The following NPAS3 variants were observed in gnomAD, a reference collection of about 807,000 sequenced individuals.
NPAS3 encodes neuronal PAS domain-containing protein 3.
In NPAS3, 14 loss-of-function variants were observed where a neutral mutation model predicts 73.1. The ratio of observed to expected loss-of-function variants is 0.19; its 90% CI spans 0.13 to 0.30. The LOEUF (loss-of-function observed/expected upper bound fraction) is 0.30. Ranked by LOEUF, NPAS3 falls within the 10% of genes least tolerant of loss-of-function variation. The pLI is 1.00. For missense variants in NPAS3, 1,096 were observed against 1,250.0 expected (o/e 0.88, Z 1.86); for synonymous variants, 620 against 541.5 (o/e 1.14, Z -2.01).
chr14:33,078,800 G>A (rs1248439191), intron 2 of NPAS3, among the ~76,000 whole-genome samples: 4 of 152,200 alleles, frequency 2.6e-5, no homozygotes, highest in Non-Finnish European at 5.9e-5. Flanking sequence ...AATAGGGGTA[G>A]AGAGTTTCTT....
chr14:32,963,688 T>C (rs2037027404), intron 1 of NPAS3, among the ~76,000 whole-genome samples: 1 of 152,204 alleles, frequency 6.6e-6, no homozygotes. Flanking sequence ...GGACTCCCCA[T>C]TTTAATGTTT....
chr14:33,685,664 T>C (rs2060068415), intron 6 of NPAS3, among the ~76,000 whole-genome samples: 1 of 152,176 alleles, frequency 6.6e-6, no homozygotes, highest in Non-Finnish European at 1.5e-5. Context: ...CTTTGGAAAA[T>C]GGTACTGATG....
intron 4 of NPAS3, among the ~76,000 whole-genome samples, chr14:33,515,897 T>A (rs943256350): frequency 6.6e-6 from 1 of 152,102 alleles, no homozygotes; most frequent in African/African-American, 2.4e-5. Flanking sequence ...TATAGCATGT[T>A]AAGAACATTA....
chr14:33,018,476 TG>T (rs1205678401), intron 1 of NPAS3, among the ~76,000 whole-genome samples: 2 of 152,102 alleles, frequency 1.3e-5, no homozygotes, highest in African/African-American at 2.4e-5. Context: ...CCAAGTTGGA[TG>T]GGGGTAAATG....
intron 1 of NPAS3, among the ~76,000 whole-genome samples, chr14:32,976,354 T>G (rs2037677404): frequency 6.6e-6 from 1 of 152,188 alleles, no homozygotes; most frequent in Non-Finnish European, 1.5e-5. Flanking sequence ...GAGACTCATT[T>G]TGATTCAGAA....
chr14:33,652,759 A>G (rs773083720), intron 5 of NPAS3, among the ~76,000 whole-genome samples: 2 of 152,168 alleles, frequency 1.3e-5, no homozygotes, highest in Non-Finnish European at 2.9e-5. Flanking sequence ...TCCATTCTCA[A>G]ATTGGACTTA....
chr14:33,484,793 A>T (rs2051501274), intron 4 of NPAS3, among the ~76,000 whole-genome samples: 1 of 152,164 alleles, frequency 6.6e-6, no homozygotes, highest in African/African-American at 2.4e-5. Flanking sequence ...CATGCATGTC[A>T]CTGAGAGAAA....
intron 10 of NPAS3, among the ~76,000 whole-genome samples, chr14:33,795,272 C>T (rs1424210523): frequency 6.6e-6 from 1 of 151,830 alleles, no homozygotes; most frequent in African/African-American, 2.4e-5. Context: ...TTTTTTTGAC[C>T]TCTTCTGCTC....
intron 2 of NPAS3, among the ~76,000 whole-genome samples, chr14:33,102,636 T>A (rs939296480): frequency 1.3e-5 from 2 of 152,022 alleles, no homozygotes; most frequent in African/African-American, 4.8e-5. Flanking sequence ...GACCCCTGAG[T>A]AGCGAAATAG....
At chr14:33,131,068 T>C (rs1304473782) in intron 2 of NPAS3, among the ~76,000 whole-genome samples, 4 of 152,156 alleles carry the variant, frequency 2.6e-5, no homozygotes, top group Non-Finnish European at 5.9e-5. Flanking sequence ...GTACCTCTTA[T>C]GAGAGTTCCC....
At chr14:33,163,652 C>T (rs1319785437) in intron 2 of NPAS3, among the ~76,000 whole-genome samples, 18 of 129,452 alleles carry the variant, frequency 1.4e-4, no homozygotes, top group Non-Finnish European at 2.3e-4. Context: ...TTCAAATTTG[C>T]ATCTGTGTCC....
intron 4 of NPAS3, among the ~76,000 whole-genome samples, chr14:33,377,593 A>G (rs902709850): frequency 6.6e-6 from 1 of 152,232 alleles, no homozygotes; most frequent in African/African-American, 2.4e-5. Context: ...TCTATATGGC[A>G]GATACGTATC....
intron 1 of NPAS3, among the ~76,000 whole-genome samples, chr14:32,958,557 G>A (rs2036775327): frequency 6.6e-6 from 1 of 152,040 alleles, no homozygotes; most frequent in African/African-American, 2.4e-5. Flanking sequence ...CTCCCTCCAG[G>A]ACCCTGGCAT....
intron 2 of NPAS3, among the ~76,000 whole-genome samples, chr14:33,133,671 G>T (rs1352318114): frequency 1.3e-5 from 2 of 152,334 alleles, no homozygotes; most frequent in East Asian, 3.9e-4. Context: ...TTGTAGAAAA[G>T]GTGACAAGGG....
Position 33,160,295 on chromosome 14 carries a change from C to A in NPAS3, c.141-54887C>A, listed in dbSNP as rs1054196157. The stretch of plus-strand genomic sequence containing the variant: ...TGTCTTCAACATGGTAATATAAAAT[C>A]TATCTTTTTGGGTTTATTAACTCAG... On this transcript the variant is annotated intron_variant, in intron 2 of 11. Transcript: ENST00000356141. Among the ~76,000 whole-genome samples, 8 of 152,030 alleles carry A rather than the reference C, an allele frequency of 5.3e-5. No homozygotes were observed. The South Asian group carries it at 1.7e-3, about 32-fold the overall frequency.
chr14:32,958,477 T>C (rs1487668264), intron 1 of NPAS3, among the ~76,000 whole-genome samples: 1 of 152,244 alleles, frequency 6.6e-6, no homozygotes, highest in Non-Finnish European at 1.5e-5. Context: ...CATGCTTTTC[T>C]GGTATTCCTC....
chr14:33,106,594 T>A (rs2138927209), intron 2 of NPAS3, among the ~76,000 whole-genome samples: 1 of 152,292 alleles, frequency 6.6e-6, no homozygotes, highest in African/African-American at 2.4e-5. Context: ...CACCTTAGTC[T>A]TCCACTGGAG....
At chr14:33,410,536 T>C (rs781600421) in intron 4 of NPAS3, among the ~76,000 whole-genome samples, 1 of 152,156 alleles carries the variant, frequency 6.6e-6, no homozygotes, top group Non-Finnish European at 1.5e-5. Flanking sequence ...AAACAGAAAA[T>C]TCATTACTTC....
chr14:33,036,506 A>G (rs1163684548), intron 1 of NPAS3, among the ~76,000 whole-genome samples: 1 of 152,170 alleles, frequency 6.6e-6, no homozygotes. Flanking sequence ...CAGTACAGAA[A>G]GCAAAATTCC....
Sources: allele counts gnomAD v4.1 joint callset (sites outside exome capture counted in the v4.1 genomes callset), GRCh38; gene constraint gnomAD v4.1.1; transcripts MANE v1.5; gene names NCBI Gene and HGNC (gene_info 2026-07-23, HGNC 2026-07-21).